The following UNC5D variants were observed in gnomAD, a reference collection of about 807,000 sequenced individuals.
UNC5D encodes the protein unc-5 netrin receptor D.
In UNC5D, 39 loss-of-function variants were observed where a neutral mutation model predicts 105.4. That is an observed-to-expected ratio of 0.37 (90% CI 0.29 to 0.48). UNC5D has a LOEUF of 0.48. Ranked by LOEUF, UNC5D falls within the 20% of genes least tolerant of loss-of-function variation. UNC5D has a pLI of 0.98. For synonymous variants in UNC5D, 452 were observed against 450.4 expected, an observed-to-expected ratio of 1.00 and a Z score of -0.04; for missense variants, 991 against 1,202.4, an observed-to-expected ratio of 0.82 and a Z score of 2.60.
chr8:35,618,822 G>A (rs182212427), intron 4 of UNC5D, among the ~76,000 whole-genome samples: 57 of 152,234 alleles, frequency 3.7e-4, no homozygotes, highest in South Asian at 2.5e-3. Flanking sequence ...TAATTACTGC[G>A]TGCCATGAAG....
intron 1 of UNC5D, among the ~76,000 whole-genome samples, chr8:35,334,858 T>A (rs1810902650): frequency 6.6e-6 from 1 of 152,164 alleles, no homozygotes; most frequent in South Asian, 2.1e-4. Context: ...GAATTTTGAC[T>A]GATATTGTCA....
chr8:35,691,345 A>C (rs1397957101), intron 7 of UNC5D, among the ~76,000 whole-genome samples: 1 of 152,064 alleles, frequency 6.6e-6, no homozygotes, highest in African/African-American at 2.4e-5. Flanking sequence ...AAACTAGCCA[A>C]GTGTGGTGGT....
intron 13 of UNC5D, 78 bp downstream of exon 13, chr8:35,750,887 T>C (rs755861416): frequency 1.1e-5 from 17 of 1,550,696 alleles, no homozygotes; most frequent in Non-Finnish European, 1.4e-5. Context: ...CAATTGAAAA[T>C]TTTATTACTG....
intron 1 of UNC5D, among the ~76,000 whole-genome samples, chr8:35,429,456 T>A (rs1028228215): frequency 4.6e-5 from 7 of 152,182 alleles, no homozygotes; most frequent in African/African-American, 1.7e-4. Flanking sequence ...AATGGTTACT[T>A]ACAGTGTCAT....
intron 1 of UNC5D, among the ~76,000 whole-genome samples, chr8:35,490,240 T>A (rs1017372594): frequency 6.6e-6 from 1 of 152,216 alleles, no homozygotes; most frequent in African/African-American, 2.4e-5. Flanking sequence ...CTATGGCTCA[T>A]GCCTGTAATC....
chr8:35,638,736 G>A (rs565514337), intron 4 of UNC5D, among the ~76,000 whole-genome samples: 326 of 152,186 alleles, frequency 2.1e-3, no homozygotes, highest in African/African-American at 7.6e-3. Context: ...GATGTTGGAG[G>A]TGATAGTGAG....
chr8:35,749,350 T>A (rs1830153475), intron 12 of UNC5D, among the ~76,000 whole-genome samples: 1 of 152,180 alleles, frequency 6.6e-6, no homozygotes, highest in Non-Finnish European at 1.5e-5. Context: ...AAGTGAAAGC[T>A]CTGATTTTTC....
intron 11 of UNC5D, among the ~76,000 whole-genome samples, chr8:35,747,162 GACA>G (rs1830052162): frequency 6.6e-6 from 1 of 152,140 alleles, no homozygotes; most frequent in South Asian, 2.1e-4. Context: ...GAGGGGAGGA[GACA>G]ACATGATAAT....
chr8:35,452,904 AT>A lies in UNC5D; in HGVS notation c.104-96386del, dbSNP rs1187561401. The stretch of plus-strand genomic sequence containing the variant: ...TTCTGATCCAAGAGCTTCAGGAGGC[AT>A]TAGTTTACTTTGAATATTTTTATAT... On this transcript the variant is annotated intron_variant, in intron 1 of 16. Coordinates refer to ENST00000404895, the MANE Select transcript of UNC5D (RefSeq NM_080872.4). 2.7e-4 allele frequency among the ~76,000 whole-genome samples: 41 copies of A among 152,276 alleles called. 2 individuals are homozygous for A. Among genetic ancestry groups the A allele is most frequent in the African/African-American group, 9.4e-4 (39 of 41,572 alleles).
At chr8:35,785,420 C>T (rs916095583) in intron 16 of UNC5D, among the ~76,000 whole-genome samples, 2 of 152,070 alleles carry the variant, frequency 1.3e-5, no homozygotes, top group Non-Finnish European at 1.5e-5. Context: ...AGTGCAGTGG[C>T]GTGATCTTGA....
chr8:35,299,860 A>C lies in UNC5D; in HGVS notation c.103+63973A>C, dbSNP rs141071227. 3.9e-5 allele frequency among the ~76,000 whole-genome samples: 6 copies of C among 152,356 alleles called. No individual in the cohort carries two copies. The East Asian group carries it at 1.2e-3, about 29-fold the overall frequency. On this transcript the variant is annotated intron_variant, in intron 1 of 16. Transcript: ENST00000404895. ...ACTGTAAAATAGAGTGAGGAAAGTT[A>C]CTGTGAATTGATTGCTATTGAATAA...
intron 4 of UNC5D, among the ~76,000 whole-genome samples, chr8:35,607,276 T>C (rs748441761): frequency 6.6e-6 from 1 of 152,202 alleles, no homozygotes; most frequent in Non-Finnish European, 1.5e-5. Flanking sequence ...TTCCAAATTG[T>C]AGTTACTCAC....
chr8:35,265,985 T>C (rs1332548310), intron 1 of UNC5D, among the ~76,000 whole-genome samples: 1 of 151,992 alleles, frequency 6.6e-6, no homozygotes, highest in Non-Finnish European at 1.5e-5. Context: ...AGATGGGCTA[T>C]GTATTGATAA....
At position 35,391,582 on chromosome 8, in the gene UNC5D, G is replaced by A. The variant is rs183376896; in HGVS notation, c.103+155695G>A. 3.3e-5 allele frequency among the ~76,000 whole-genome samples: 5 copies of A among 152,318 alleles called. No individual in the cohort carries two copies. In the East Asian group the frequency reaches 9.7e-4, roughly 29 times the overall value. Reference sequence around the variant, plus strand: ...CAGTGGAAGAAATGCCCCACGTTGTGTGTGACCAACACGCTAAATAGGAAA... The same window carrying A: ...CAGTGGAAGAAATGCCCCACGTTGTATGTGACCAACACGCTAAATAGGAAA... On this transcript the variant is annotated intron_variant, in intron 1 of 16. Transcript: ENST00000404895.
In UNC5D at chr8:35,500,588, A is replaced by G. The variant is rs576125682; in HGVS notation, c.104-48704A>G. Among the ~76,000 whole-genome samples the G allele has an allele frequency of 2.6e-5, 4 of 152,296 alleles. No homozygotes were observed. The South Asian group carries it at 8.3e-4, about 32-fold the overall frequency. On this transcript the variant is annotated intron_variant, in intron 1 of 16. Coordinates refer to ENST00000404895, the MANE Select transcript of UNC5D (RefSeq NM_080872.4). ...TAATCCCTGACATCTTTCTTTTCTG[A>G]ACTTCTCACAACACTGTCTGTAAAC...
At chr8:35,463,185 CAG>C (rs1356211838) in intron 1 of UNC5D, among the ~76,000 whole-genome samples, 3 of 152,170 alleles carry the variant, frequency 2.0e-5, no homozygotes, top group Non-Finnish European at 4.4e-5. Flanking sequence ...TCCCTGCCCA[CAG>C]AGCACACCCT....
At chr8:35,457,190 T>TA (rs758070874) in intron 1 of UNC5D, among the ~76,000 whole-genome samples, 4 of 152,226 alleles carry the variant, frequency 2.6e-5, no homozygotes, top group Non-Finnish European at 5.9e-5. Context: ...TTTCTTTTTT[T>TA]ATGTCATTTG....
intron 1 of UNC5D, among the ~76,000 whole-genome samples, chr8:35,502,377 T>C (rs1442320194): frequency 6.6e-6 from 1 of 152,190 alleles, no homozygotes; most frequent in African/African-American, 2.4e-5. Flanking sequence ...TGTGGCAGGA[T>C]CAAATTTCAG....
intron 1 of UNC5D, among the ~76,000 whole-genome samples, chr8:35,427,657 C>T (rs1806342281): frequency 6.6e-6 from 1 of 152,174 alleles, no homozygotes; most frequent in African/African-American, 2.4e-5. Context: ...TCGGATCTTT[C>T]CTGTTCTGTG....
Sources: allele counts gnomAD v4.1 joint callset (sites outside exome capture counted in the v4.1 genomes callset), GRCh38; gene constraint gnomAD v4.1.1; transcripts MANE v1.5; gene names NCBI Gene and HGNC (gene_info 2026-07-23, HGNC 2026-07-21).